The following FLACC1 variants were observed in gnomAD, a reference collection of about 807,000 sequenced individuals.
FLACC1 encodes the protein flagellum-associated coiled-coil domain-containing protein 1.
A neutral mutation model predicts 62.8 loss-of-function variants in FLACC1; 66 were observed. The ratio of observed to expected loss-of-function variants is 1.05; its 90% confidence interval spans 0.86 to 1.29. The LOEUF (loss-of-function observed/expected upper bound fraction) is 1.29. FLACC1 is among the 50% of genes most tolerant of loss of function. The probability of loss-of-function intolerance (pLI) is 0.00; values close to 1 mark genes in which losing one functional copy is unlikely to be tolerated. For missense variants in FLACC1, 452 were observed against 489.1 expected, an observed-to-expected ratio of 0.92 and a Z score of 0.71; for synonymous variants, 156 against 161.0, an observed-to-expected ratio of 0.97 and a Z score of 0.24.
chr2:201,333,458 G>C (rs1464624377), intron 7 of FLACC1, among the ~76,000 whole-genome samples: 1 of 151,822 alleles, frequency 6.6e-6, no homozygotes, highest in Non-Finnish European at 1.5e-5. Context: ...TAATGTGCAG[G>C]TTAGTTACAT....
Position 201,346,658 on chromosome 2 carries a change from T to A in FLACC1, c.252A>T (p.Ser84=). The part of the protein sequence containing the change: ...NKSFYEVINV[S]PGYQLVRNRE... ...GATTCCGAACAAGTTGATAGCCAGG[T>A]GACACGTTGATCACTTCCTAGGCAT... The change falls in exon 5 of 15, where the codon TCA becomes TCT. Residue 84 remains serine, a synonymous_variant. Transcript: ENST00000392257. The surrounding 1 kb of genome is among the most constrained non-coding windows in gnomAD (Gnocchi z 4.0). 1 of 1,614,184 alleles carries A rather than the reference T, an allele frequency of 6.2e-7. No homozygotes were observed.
At position 201,320,323 on chromosome 2, in the gene FLACC1, A is replaced by G. The variant is rs531803909; in HGVS notation, c.675+10147T>C. Among the ~76,000 whole-genome samples, 45 of 152,346 alleles carry G rather than the reference A, an allele frequency of 3.0e-4. No homozygotes were observed. The South Asian group carries it at 8.7e-3, about 29-fold the overall frequency. Reference sequence around the variant, plus strand: ...GGAGAGTGAAAAGTGGGCTGCAGCCATGAGTGCAGGAGCTGCCAGTGCAGG... The same window carrying G: ...GGAGAGTGAAAAGTGGGCTGCAGCCGTGAGTGCAGGAGCTGCCAGTGCAGG... On this transcript the variant is annotated intron_variant, in intron 9 of 14. Coordinates refer to ENST00000392257, the MANE Select transcript of FLACC1 (RefSeq NM_001127391.3).
intron 12 of FLACC1, among the ~76,000 whole-genome samples, chr2:201,297,351 G>C (rs527390742): frequency 3.3e-4 from 51 of 152,302 alleles, no homozygotes; most frequent in African/African-American, 1.2e-3. Context: ...GGGAGATAAA[G>C]AAGATAAGTG....
chr2:201,303,285 G>A (rs185483768), intron 11 of FLACC1, among the ~76,000 whole-genome samples: 3 of 152,250 alleles, frequency 2.0e-5, no homozygotes. Context: ...ACTACCATCA[G>A]AGAATACTAT....
intron 10 of FLACC1, among the ~76,000 whole-genome samples, chr2:201,308,257 G>C (rs888698719): frequency 1.8e-4 from 28 of 152,278 alleles, no homozygotes; most frequent in Non-Finnish European, 3.5e-4. Flanking sequence ...CATGGGATGA[G>C]AGTCGTATGA....
intron 2 of FLACC1, 77 bp from the exon 3 acceptor site, chr2:201,350,859 A>G (rs1576481030): frequency 7.6e-7 from 1 of 1,320,328 alleles, no homozygotes; most frequent in East Asian, 2.3e-5. Flanking sequence ...CAGATTAAGT[A>G]CATCCCTATA....
chr2:201,343,776 T>A (rs1950857061), intron 6 of FLACC1, among the ~76,000 whole-genome samples: 1 of 152,218 alleles, frequency 6.6e-6, no homozygotes, highest in Non-Finnish European at 1.5e-5. Context: ...GCTTTAACAG[T>A]CAGAGAGTAA....
chr2:201,293,287 G>A (rs1424405389), intron 12 of FLACC1, among the ~76,000 whole-genome samples: 4 of 152,134 alleles, frequency 2.6e-5, no homozygotes, highest in African/African-American at 9.7e-5. Context: ...GCACTCCTCA[G>A]CAAATGTAAA....
chr2:201,309,922 A>AGAAG (rs1373859192), intron 9 of FLACC1, among the ~76,000 whole-genome samples: 3 of 130,418 alleles, frequency 2.3e-5, no homozygotes, highest in South Asian at 3.3e-4. Context: ...AAAAAAAAAA[A>AGAAG]AAAAAGAAGA....
intron 9 of FLACC1, among the ~76,000 whole-genome samples, chr2:201,327,505 A>C (rs1950518132): frequency 6.6e-6 from 1 of 152,182 alleles, no homozygotes; most frequent in African/African-American, 2.4e-5. Context: ...GGCAAATGAC[A>C]TGAATAGATA....
chr2:201,303,334 A>T (rs1950029202), intron 11 of FLACC1, among the ~76,000 whole-genome samples: 1 of 152,190 alleles, frequency 6.6e-6, no homozygotes, highest in South Asian at 2.1e-4. Flanking sequence ...ATCTAGAAGA[A>T]ATGGATAAAT....
chr2:201,350,583 A>T, intron 3 of FLACC1, 128 bp downstream of exon 3: 1 of 749,810 alleles, frequency 1.3e-6, no homozygotes, highest in Non-Finnish European at 2.2e-6. Context: ...CGAGAGGCTG[A>T]GGCAGGAGAA....
intron 7 of FLACC1, among the ~76,000 whole-genome samples, chr2:201,336,932 T>C (rs1240366006): frequency 6.6e-6 from 1 of 152,184 alleles, no homozygotes; most frequent in Non-Finnish European, 1.5e-5. Flanking sequence ...GCTATTCGTA[T>C]GTCTTCTTTT....
intron 4 of FLACC1, among the ~76,000 whole-genome samples, chr2:201,347,463 A>T (rs1455605305): frequency 1.3e-5 from 2 of 152,060 alleles, no homozygotes. Flanking sequence ...GAGGGCAATT[A>T]TATTTTTGCT....
At chr2:201,355,988 G>T (rs1470985022) in intron 1 of FLACC1, among the ~76,000 whole-genome samples, 1 of 152,114 alleles carries the variant, frequency 6.6e-6, no homozygotes, top group African/African-American at 2.4e-5. Context: ...TTGGAACAGG[G>T]TCCTGGGAGA....
At chr2:201,293,002 G>T (rs978208378) in intron 12 of FLACC1, among the ~76,000 whole-genome samples, 2 of 152,086 alleles carry the variant, frequency 1.3e-5, no homozygotes, top group African/African-American at 4.8e-5. Flanking sequence ...CCCAATACAG[G>T]AGCAGCCAGA....
At chr2:201,347,129 C>G (rs1164835664) in intron 4 of FLACC1, among the ~76,000 whole-genome samples, 1 of 148,988 alleles carries the variant, frequency 6.7e-6, no homozygotes, top group Non-Finnish European at 1.5e-5. Flanking sequence ...GAGGGAAAAA[C>G]AAAACAACAT....
intron 7 of FLACC1, among the ~76,000 whole-genome samples, chr2:201,338,111 T>G (rs1950731468): frequency 6.6e-6 from 1 of 152,254 alleles, no homozygotes; most frequent in Non-Finnish European, 1.5e-5. Flanking sequence ...TAAAGGTCTT[T>G]CACCTTTTTG....
chr2:201,322,787 T>C (rs965247253), intron 9 of FLACC1, among the ~76,000 whole-genome samples: 3 of 152,114 alleles, frequency 2.0e-5, no homozygotes, highest in African/African-American at 7.2e-5. Context: ...GGTCAATTAT[T>C]AAGCTACTCA....
Sources: gnomAD v4.1 joint callset for allele counts (sites outside exome capture counted in the v4.1 genomes callset) on GRCh38, gnomAD v4.1.1 for gene constraint, Gnocchi (gnomAD v3.1) non-coding constraint, MANE v1.5 for transcripts, NCBI Gene and HGNC (gene_info 2026-07-23, HGNC 2026-07-21) for gene names.